The following SLC22A23 variants were observed in gnomAD, a reference collection of about 807,000 sequenced individuals.
SLC22A23 encodes the protein ion transporter protein.
Under a neutral mutation model 61.0 loss-of-function variants are expected in SLC22A23, and 26 were observed. The ratio of observed to expected loss-of-function variants is 0.43; its 90% confidence interval spans 0.31 to 0.59. The LOEUF is 0.59. SLC22A23 is among the 20% of genes least tolerant of loss of function. The pLI, the probability that SLC22A23 is intolerant of heterozygous loss-of-function variation, is 0.11. For synonymous variants in SLC22A23, 430 were observed against 413.9 expected (o/e 1.04, Z -0.47); for missense variants, 796 against 934.7 (o/e 0.85, Z 1.94).
intron 3 of SLC22A23, among the ~76,000 whole-genome samples, chr6:3,381,339 T>TC (rs35446883): frequency 0.3 from 45,878 of 151,980 alleles, 7,210 homozygotes; most frequent in Middle Eastern, 0.38. Flanking sequence ...TCAGCCATCT[T>TC]CAACTTTATA....
intron 3 of SLC22A23, among the ~76,000 whole-genome samples, chr6:3,339,779 T>C (rs1376931676): frequency 1.3e-5 from 2 of 152,336 alleles, no homozygotes; most frequent in African/African-American, 2.4e-5. Context: ...TTGTTTAGCA[T>C]ATCATCAAAA....
At position 3,286,637 on chromosome 6, in the gene SLC22A23, CAGCCCG is replaced by C. The variant is rs1322445686; in HGVS notation, c.1546+216_1546+221del. On this transcript the variant is annotated intron_variant, in intron 7 of 9. Coordinates refer to ENST00000406686, the MANE Select transcript of SLC22A23 (RefSeq NM_015482.2). This position sits in a 1 kb window ranked among gnomAD's most constrained non-coding sequence, Gnocchi z 4.2. Reference sequence around the variant, plus strand: ...CCAGGACTCGGAAGGAATCATGGTGCAGCCCGGGCCGGGGCAGGGGCAGGGGGAGGC... The same window carrying C: ...CCAGGACTCGGAAGGAATCATGGTGCGGCCGGGGCAGGGGCAGGGGGAGGC... Among the ~76,000 whole-genome samples, 2 of 152,230 alleles carry C rather than the reference CAGCCCG, an allele frequency of 1.3e-5. No homozygotes were observed. The highest frequency in any genetic ancestry group is 4.8e-5 in the African/African-American group (2 of 41,462).
At chr6:3,356,215 C>T (rs552127646) in intron 3 of SLC22A23, among the ~76,000 whole-genome samples, 3 of 148,728 alleles carry the variant, frequency 2.0e-5, no homozygotes, top group African/African-American at 5.0e-5. Context: ...AATCGAAGCA[C>T]GCGTGCTCTC....
chr6:3,375,497 C>T (rs1470261765), intron 3 of SLC22A23, among the ~76,000 whole-genome samples: 1 of 152,170 alleles, frequency 6.6e-6, no homozygotes. Flanking sequence ...GCTTTATTGC[C>T]AGAATCAATG....
chr6:3,269,401 T>TCCACC lies in SLC22A23; in HGVS notation c.*3653_*3654insGGTGG, dbSNP rs1561847152. 7 of 152,522 alleles carry TCCACC rather than the reference T, an allele frequency of 4.6e-5. No individual in the cohort carries two copies. The highest frequency in any genetic ancestry group is 1.0e-4 in the Non-Finnish European group (7 of 68,048). 9.4% of individuals were successfully genotyped at this position (152,522 alleles called of 1,614,324 possible). On this transcript the variant is annotated 3_prime_UTR_variant, in exon 10 of 10. Transcript: ENST00000406686. Reference sequence around the variant, plus strand: ...TTTTATTACTCACCATTAATGGTAGTGAAATGCCCTTCGGTGGATACCATC... The same window carrying TCCACC: ...TTTTATTACTCACCATTAATGGTAGTCCACCGAAATGCCCTTCGGTGGATACCATC...
Position 3,283,981 on chromosome 6 carries a change from G to A in SLC22A23, c.1580-6C>T. 6.2e-7 allele frequency: 1 copy of A among 1,600,508 alleles called. No individual in the cohort carries two copies. The highest frequency in any genetic ancestry group is 8.5e-7 in the Non-Finnish European group (1 of 1,169,764). The stretch of plus-strand genomic sequence containing the variant: ...CTTGACGCTGTCACTCATCCCTGGG[G>A]GAAGGTCAGAAGAAGGTGGTGAGGG... On this transcript the variant is annotated splice_region_variant and splice_polypyrimidine_tract_variant and intron_variant, in intron 8 of 9. Transcript: ENST00000406686.
chr6:3,297,130 G>A lies in SLC22A23; in HGVS notation c.1210+961C>T, dbSNP rs180708640. ...TGTGCCCCACCTGCCTGCAAGTTAC[G>A]TGAGAGCAAGGCTTTGCCTGTGTCT... On this transcript the variant is annotated intron_variant, in intron 5 of 9. Coordinates refer to ENST00000406686, the MANE Select transcript of SLC22A23 (RefSeq NM_015482.2). The surrounding 1 kb of genome is among the most constrained non-coding windows in gnomAD (Gnocchi z 4.3). 1.9e-3 allele frequency among the ~76,000 whole-genome samples: 286 copies of A among 152,326 alleles called. No homozygotes were observed. Among genetic ancestry groups the A allele is most frequent in the Non-Finnish European group, 3.0e-3 (202 of 68,042 alleles).
At chr6:3,344,452 G>C (rs1764310919) in intron 3 of SLC22A23, among the ~76,000 whole-genome samples, 1 of 152,084 alleles carries the variant, frequency 6.6e-6, no homozygotes, top group Non-Finnish European at 1.5e-5. Flanking sequence ...CCTTTGATGA[G>C]TCTAAAGGGC....
intron 1 of SLC22A23, among the ~76,000 whole-genome samples, chr6:3,441,713 C>A (rs570622827): frequency 3.9e-5 from 6 of 152,192 alleles, no homozygotes; most frequent in East Asian, 1.9e-4. Context: ...GTTCACCCCC[C>A]ACCCTCAGCT....
At chr6:3,288,445 C>T (rs1226950118) in intron 6 of SLC22A23, among the ~76,000 whole-genome samples, 3 of 152,246 alleles carry the variant, frequency 2.0e-5, no homozygotes, top group Admixed American at 6.5e-5. Flanking sequence ...CCAGCCCCCG[C>T]ACAATGGCTT....
At chr6:3,449,734 A>T (rs1359762943) in intron 1 of SLC22A23, among the ~76,000 whole-genome samples, 1 of 152,166 alleles carries the variant, frequency 6.6e-6, no homozygotes. Flanking sequence ...TGCATAGCTA[A>T]GATTTCTACA....
intron 4 of SLC22A23, chr6:3,323,264 A>T (rs73722419): frequency 0.019 from 8,586 of 456,412 alleles, 619 homozygotes; most frequent in African/African-American, 0.16. Flanking sequence ...TACCATACCA[A>T]CCTGCTGCAT....
At chr6:3,422,608 T>C (rs1015348338) in intron 1 of SLC22A23, among the ~76,000 whole-genome samples, 1 of 152,112 alleles carries the variant, frequency 6.6e-6, no homozygotes, top group African/African-American at 2.4e-5. Flanking sequence ...TTTTAGGAGG[T>C]TTGCTGTCAA....
At chr6:3,284,057 C>T in intron 8 of SLC22A23, 82 bp from the exon 9 acceptor site, 3 of 1,403,068 alleles carry the variant, frequency 2.1e-6, no homozygotes, top group Non-Finnish European at 2.9e-6. Flanking sequence ...CTGCACAGCA[C>T]AGCTCCTTCC....
intron 1 of SLC22A23, chr6:3,432,317 G>A: frequency 3.0e-6 from 3 of 985,430 alleles, no homozygotes; most frequent in Non-Finnish European, 3.6e-6. Context: ...AGGGTAGGCT[G>A]GCTGTGAGAC....
rs113970624 is a variant in SLC22A23, at chr6:3,400,995, A to G, written c.913+9193T>C. Reference sequence around the variant, plus strand: ...TAATGAACATCTAACACTCTAAAAAACATTGTCTTGCACAACAATGGAAAT... The same window carrying G: ...TAATGAACATCTAACACTCTAAAAAGCATTGTCTTGCACAACAATGGAAAT... On this transcript the variant is annotated intron_variant, in intron 3 of 9. Transcript: ENST00000406686. 3.4e-3 allele frequency among the ~76,000 whole-genome samples: 520 copies of G among 152,362 alleles called. 3 individuals are homozygous for G. Among genetic ancestry groups the G allele is most frequent in the African/African-American group, 0.012 (479 of 41,582 alleles).
rs1050295402 is a variant in SLC22A23 at position 3,372,092 on chromosome 6, A to G, written c.913+38096T>C. Among the ~76,000 whole-genome samples, 29 of 152,220 alleles carry G rather than the reference A, an allele frequency of 1.9e-4. No homozygotes were observed. Among genetic ancestry groups the G allele is most frequent in the Admixed American group, 6.5e-5 (1 of 15,284 alleles). ...AGGAACAGTTCCTAGCCCATGCTTA[A>G]ACAGCTAGAAGCATCCGTGCTGAGG... On this transcript the variant is annotated intron_variant, in intron 3 of 9. Coordinates refer to ENST00000406686, the MANE Select transcript of SLC22A23 (RefSeq NM_015482.2). The surrounding 1 kb of genome is among the most constrained non-coding windows in gnomAD (Gnocchi z 4.7).
chr6:3,413,776 T>C (rs1405159964), intron 2 of SLC22A23, among the ~76,000 whole-genome samples: 1 of 152,200 alleles, frequency 6.6e-6, no homozygotes, highest in Non-Finnish European at 1.5e-5. Context: ...GTTTATTTCC[T>C]TTTAAGCAAG....
In SLC22A23 at chr6:3,410,282, A is replaced by C. The variant is rs760899259; in HGVS notation, c.819T>G (p.Thr273=). The C allele has an allele frequency of 8.1e-6, 13 of 1,613,890 alleles. No individual in the cohort carries two copies. The highest frequency in any genetic ancestry group is 6.6e-5 in the South Asian group (6 of 91,002). The part of the protein sequence containing the change: ...SIIFILIFGL[T]VALSVNVTMF... ...TTGTCACATTCACTGACAGTGCCAC[A>C]GTCAGTCCAAAGATCAGAATGAAGA... The change falls in exon 3 of 10, where the codon ACT becomes ACG. Residue 273 remains threonine, a synonymous_variant. Transcript: ENST00000406686. This position sits in a 1 kb window ranked among gnomAD's most constrained non-coding sequence, Gnocchi z 5.0.
Sources: allele counts gnomAD v4.1 joint callset (sites outside exome capture counted in the v4.1 genomes callset), GRCh38; gene constraint gnomAD v4.1.1; non-coding constraint Gnocchi (gnomAD v3.1); transcripts MANE v1.5; gene names NCBI Gene and HGNC (gene_info 2026-07-23, HGNC 2026-07-21).